Variants in MAN1A2 observed in about 807,000 individuals in gnomAD.
MAN1A2 encodes mannosyl-oligosaccharide 1,2-alpha-mannosidase IB.
MAN1A2 carries 26 observed loss-of-function variants against 75.7 expected under a neutral mutation model. The ratio of observed to expected loss-of-function variants is 0.34; its 90% CI spans 0.25 to 0.48. The LOEUF (loss-of-function observed/expected upper bound fraction) is 0.48. MAN1A2 is among the 20% of genes least tolerant of loss of function. The pLI, the probability that MAN1A2 is intolerant of heterozygous loss-of-function variation, is 0.99. For synonymous variants in MAN1A2, 247 were observed against 264.6 expected, an observed-to-expected ratio of 0.93 and a Z score of 0.65; for missense variants, 562 against 775.5, an observed-to-expected ratio of 0.72 and a Z score of 3.27.
chr1:117,459,120 C>G (rs939193601), intron 6 of MAN1A2, among the ~76,000 whole-genome samples: 36 of 152,072 alleles, frequency 2.4e-4, no homozygotes, highest in Non-Finnish European at 1.5e-4. Context: ...AGGATATGTT[C>G]TAAAACATGT....
chr1:117,434,285 A>T (rs1336862933), intron 5 of MAN1A2, among the ~76,000 whole-genome samples: 1 of 152,056 alleles, frequency 6.6e-6, no homozygotes, highest in Non-Finnish European at 1.5e-5. Flanking sequence ...GACTTTCAAG[A>T]CCTTACTGAG....
chr1:117,380,878 G>A (rs1653313584), intron 1 of MAN1A2, among the ~76,000 whole-genome samples: 1 of 152,038 alleles, frequency 6.6e-6, no homozygotes, highest in Non-Finnish European at 1.5e-5. Context: ...TCTGAATATT[G>A]GCTTTTCAAT....
chr1:117,417,821 T>A (rs1454329858), intron 4 of MAN1A2, among the ~76,000 whole-genome samples: 2 of 150,142 alleles, frequency 1.3e-5, no homozygotes, highest in South Asian at 4.2e-4. Context: ...AGACAAGGAG[T>A]CATGGCTCGT....
At chr1:117,427,701 CA>C (rs558473471) in intron 5 of MAN1A2, among the ~76,000 whole-genome samples, 20 of 152,148 alleles carry the variant, frequency 1.3e-4, no homozygotes, top group African/African-American at 4.1e-4. Flanking sequence ...AAGCCAAATA[CA>C]AAGAGAAAAG....
chr1:117,506,339 G>A (rs1651369850), intron 12 of MAN1A2, among the ~76,000 whole-genome samples: 1 of 151,516 alleles, frequency 6.6e-6, no homozygotes, highest in South Asian at 2.1e-4. Context: ...TATTCTTGAC[G>A]TAAGTTGAGG....
chr1:117,454,157 T>C (rs1261139947), intron 6 of MAN1A2, among the ~76,000 whole-genome samples: 1 of 152,236 alleles, frequency 6.6e-6, no homozygotes, highest in Non-Finnish European at 1.5e-5. Context: ...TTTGTGTGAC[T>C]CATTTTGTTG....
chr1:117,429,436 A>ACC (rs1224217592), intron 5 of MAN1A2, among the ~76,000 whole-genome samples: 4 of 76,172 alleles, frequency 5.3e-5, no homozygotes, highest in South Asian at 9.1e-4. Context: ...AGGGGGGCTG[A>ACC]CCCCCCCCAC....
chr1:117,405,629 C>T lies in MAN1A2; in HGVS notation c.639C>T (p.His213=), dbSNP rs1647589853. The change falls in exon 3 of 13, where the codon CAC becomes CAT. Residue 213 remains histidine, a synonymous_variant. Coordinates refer to ENST00000356554, the MANE Select transcript of MAN1A2 (RefSeq NM_006699.5). ...NELRPIARKG[H]SPNIFGSSQM... is the part of the protein sequence containing the mutation. ...TCAGACCTATTGCAAGGAAAGGACA[C>T]TCCCCTAACATATTTGGTAAGTTTA... 8 of 1,589,966 alleles carry T rather than the reference C, an allele frequency of 5.0e-6. No individual in the cohort carries two copies. In the East Asian group the frequency reaches 1.3e-4, roughly 27 times the overall value.
At position 117,501,657 on chromosome 1, in the gene MAN1A2, C is replaced by A. The variant is rs17037347; in HGVS notation, c.1678-1198C>A. 8.1e-3 allele frequency among the ~76,000 whole-genome samples: 1,226 copies of A among 151,784 alleles called. 27 individuals carry two copies. The highest frequency in any genetic ancestry group is 0.028 in the African/African-American group (1,173 of 41,468). On this transcript the variant is annotated intron_variant, in intron 11 of 12. Transcript: ENST00000356554. ...TTAAAAACTCTTGTATCCAAAATTT[C>A]TTTAGAATATATTAGAGAAAAGCAC...
At chr1:117,472,965 T>C (rs1306072378) in intron 8 of MAN1A2, among the ~76,000 whole-genome samples, 1 of 151,920 alleles carries the variant, frequency 6.6e-6, no homozygotes, top group Non-Finnish European at 1.5e-5. Context: ...CATTCTCTCT[T>C]CTCTCCAGTG....
intron 8 of MAN1A2, among the ~76,000 whole-genome samples, chr1:117,492,685 T>G (rs1371244329): frequency 2.0e-5 from 3 of 152,112 alleles, no homozygotes; most frequent in African/African-American, 7.2e-5. Flanking sequence ...AGATGTATTT[T>G]AATTTATTAT....
chr1:117,423,903 A>G (rs965633747), intron 5 of MAN1A2, among the ~76,000 whole-genome samples: 2 of 139,998 alleles, frequency 1.4e-5, no homozygotes, highest in Non-Finnish European at 3.1e-5. Flanking sequence ...TTTTTTTGAG[A>G]CGGAGTTTTG....
intron 1 of MAN1A2, among the ~76,000 whole-genome samples, chr1:117,392,477 C>T (rs111855067): frequency 1.3e-5 from 2 of 151,870 alleles, no homozygotes; most frequent in South Asian, 2.1e-4. Flanking sequence ...TATAGCTGTC[C>T]GTGGTATTTA....
chr1:117,377,217 A>G (rs1653178493), intron 1 of MAN1A2, among the ~76,000 whole-genome samples: 1 of 152,240 alleles, frequency 6.6e-6, no homozygotes, highest in Admixed American at 6.5e-5. Flanking sequence ...TATCTGTTAA[A>G]TATAATAAAT....
chr1:117,376,422 A>G (rs1023071865), intron 1 of MAN1A2, among the ~76,000 whole-genome samples: 6 of 152,216 alleles, frequency 3.9e-5, no homozygotes, highest in African/African-American at 9.6e-5. Context: ...TGGAGCCACT[A>G]TGGTCTGTGA....
At chr1:117,477,709 C>G (rs1020659257) in intron 8 of MAN1A2, among the ~76,000 whole-genome samples, 2 of 152,042 alleles carry the variant, frequency 1.3e-5, no homozygotes, top group African/African-American at 4.8e-5. Context: ...GAAGCATTCC[C>G]TTTGAAAACT....
At chr1:117,439,359 A>G (rs1004792432) in intron 5 of MAN1A2, among the ~76,000 whole-genome samples, 10 of 152,182 alleles carry the variant, frequency 6.6e-5, no homozygotes, top group Admixed American at 3.3e-4. Context: ...CTAGATTGAG[A>G]ATAGGCTGCA....
intron 3 of MAN1A2, among the ~76,000 whole-genome samples, chr1:117,412,681 G>A (rs1235674403): frequency 2.0e-5 from 3 of 151,802 alleles, no homozygotes; most frequent in Non-Finnish European, 4.4e-5. Context: ...GCAATGTCAT[G>A]TTTTGCTGCT....
chr1:117,419,916 C>A (rs1358758791), intron 4 of MAN1A2, among the ~76,000 whole-genome samples: 1 of 151,856 alleles, frequency 6.6e-6, no homozygotes, highest in East Asian at 1.9e-4. Context: ...TGCTTAAGTA[C>A]CTGCTTTCTC....
Sources: allele counts gnomAD v4.1 joint callset (sites outside exome capture counted in the v4.1 genomes callset), GRCh38; gene constraint gnomAD v4.1.1; transcripts MANE v1.5; gene names NCBI Gene and HGNC (gene_info 2026-07-23, HGNC 2026-07-21).